RASSF4: variants seen among roughly 807,000 people sequenced by gnomAD.
RASSF4 encodes the protein Ras association domain family member 4.
Under a neutral mutation model 41.1 loss-of-function variants are expected in RASSF4, and 38 were observed. The ratio of observed to expected loss-of-function variants is 0.92; its 90% CI spans 0.71 to 1.21. RASSF4 has a LOEUF of 1.21. Among genes scored for constraint, RASSF4 ranks in the 50% most tolerant of loss-of-function variants. The pLI is 0.00. For missense variants in RASSF4, 414 were observed against 419.4 expected (o/e 0.99, Z 0.11); for synonymous variants, 179 against 163.4 (o/e 1.10, Z -0.73).
At position 44,989,298 on chromosome 10, in the gene RASSF4, G is replaced by GGAT; in HGVS notation, c.557_559dup (p.Gly186_Ser187insTer). 6.2e-7 allele frequency: 1 copy of GGAT among 1,613,686 alleles called. No individual in the cohort carries two copies. Among genetic ancestry groups the GGAT allele is most frequent in the Non-Finnish European group, 8.5e-7 (1 of 1,179,634 alleles). Reference sequence around the variant, plus strand: ...GACCTCCGTGTTTACTCCAGCCTATGGATCCGTGACCAATGTGAGGGTCAA... The same window carrying GGAT: ...GACCTCCGTGTTTACTCCAGCCTATGGATGATCCGTGACCAATGTGAGGGTCAA... On this transcript the variant is annotated stop_gained and inframe_insertion, in exon 7 of 11. Coordinates refer to ENST00000340258, the MANE Select transcript of RASSF4 (RefSeq NM_032023.4). LOFTEE classifies it high-confidence loss of function.
In RASSF4 at chr10:44,995,578, G is replaced by A. The variant is rs566816327; in HGVS notation, c.*2249G>A. The A allele has an allele frequency of 1.1e-4, 16 of 152,354 alleles. No individual in the cohort carries two copies. The highest frequency in any genetic ancestry group is 2.9e-4 in the African/African-American group (12 of 41,586). The allele number at this position is 152,354 out of a possible 1,614,324, so 9.4% of individuals were successfully genotyped here. On this transcript the variant is annotated 3_prime_UTR_variant, in exon 11 of 11. Coordinates refer to ENST00000340258, the MANE Select transcript of RASSF4 (RefSeq NM_032023.4). ...GGTGTTATCAATCTAATTTCTGAAC[G>A]TTATGGGTCAGAAAAATCACTAGCA...
At chr10:44,985,018 C>A in intron 6 of RASSF4, 48 bp downstream of exon 6, 1 of 1,578,482 alleles carries the variant, frequency 6.3e-7, no homozygotes, top group Non-Finnish European at 8.6e-7. Flanking sequence ...GGAGCCAGGC[C>A]TGAGCACAGG....
chr10:44,983,620 T>G, intron 4 of RASSF4: 1 of 213,992 alleles, frequency 4.7e-6, no homozygotes, highest in Non-Finnish European at 9.4e-6. Flanking sequence ...GGCCTGGAGG[T>G]TGGGCCCTTC....
chr10:44,982,519 A>G lies in RASSF4; in HGVS notation c.139-2A>G, dbSNP rs1841756187. On this transcript the variant is annotated splice_acceptor_variant, in intron 3 of 10. Coordinates refer to ENST00000340258, the MANE Select transcript of RASSF4 (RefSeq NM_032023.4). LOFTEE classifies it high-confidence loss of function. ...GAAGGGCTGATGTGTGGACCCCCAC[A>G]GGAAGAAGGGACTCTGATCATCGAG... The G allele has an allele frequency of 6.2e-7, 1 of 1,610,746 alleles. No individual in the cohort carries two copies. Among genetic ancestry groups the G allele is most frequent in the Non-Finnish European group, 8.5e-7 (1 of 1,178,450 alleles).
intron 9 of RASSF4, 145 bp from the exon 10 acceptor site, chr10:44,991,758 AGT>A: frequency 1.6e-6 from 1 of 616,146 alleles, no homozygotes; most frequent in East Asian, 2.7e-5. Context: ...ACAACACAGC[AGT>A]GTGGGGGTGG....
chr10:44,988,135 A>G (rs1346432756), intron 6 of RASSF4, among the ~76,000 whole-genome samples: 1 of 152,080 alleles, frequency 6.6e-6, no homozygotes, highest in Non-Finnish European at 1.5e-5. Context: ...CACCAGCACC[A>G]GGGGGGTAAC....
intron 1 of RASSF4, among the ~76,000 whole-genome samples, chr10:44,962,278 T>C (rs1349712821): frequency 6.6e-6 from 1 of 152,226 alleles, no homozygotes; most frequent in Non-Finnish European, 1.5e-5. Flanking sequence ...TCAGCAGAGA[T>C]TCTAAACCTA....
intron 1 of RASSF4, among the ~76,000 whole-genome samples, chr10:44,964,499 T>C (rs1372440942): frequency 1.3e-5 from 2 of 152,238 alleles, no homozygotes; most frequent in African/African-American, 4.8e-5. Flanking sequence ...CTGTGGTTTT[T>C]TGAGCCTGAG....
chr10:44,989,447 G>T, intron 7 of RASSF4, 72 bp downstream of exon 7: 1 of 1,186,908 alleles, frequency 8.4e-7, no homozygotes, highest in South Asian at 1.3e-5. Flanking sequence ...TGGGGTTCTG[G>T]GGAAAGCTGC....
intron 3 of RASSF4, among the ~76,000 whole-genome samples, chr10:44,979,136 T>A (rs770716585): frequency 2.9e-4 from 44 of 152,162 alleles, no homozygotes; most frequent in Admixed American, 6.5e-4. Flanking sequence ...CACCCCATCA[T>A]GACTCCTGTG....
chr10:44,985,722 A>C (rs1173156663), intron 6 of RASSF4, among the ~76,000 whole-genome samples: 1 of 152,138 alleles, frequency 6.6e-6, no homozygotes, highest in Non-Finnish European at 1.5e-5. Flanking sequence ...AGGTTAGGCT[A>C]TCCAGGGGCC....
At chr10:44,975,001 C>T (rs1182320974) in intron 3 of RASSF4, among the ~76,000 whole-genome samples, 1 of 152,224 alleles carries the variant, frequency 6.6e-6, no homozygotes, top group African/African-American at 2.4e-5. Context: ...CCGGAAATGT[C>T]CTTGTGTAAA....
At chr10:44,962,274 G>T (rs190358415) in intron 1 of RASSF4, among the ~76,000 whole-genome samples, 38 of 152,382 alleles carry the variant, frequency 2.5e-4, no homozygotes, top group Admixed American at 9.8e-4. Flanking sequence ...GGTTTCAGCA[G>T]AGATTCTAAA....
At chr10:44,974,463 A>G (rs1205175657) in intron 3 of RASSF4, among the ~76,000 whole-genome samples, 1 of 152,222 alleles carries the variant, frequency 6.6e-6, no homozygotes, top group African/African-American at 2.4e-5. Context: ...AAACAGCAAT[A>G]CCGTTTCCAT....
At chr10:44,983,623 G>T (rs964624142) in intron 4 of RASSF4, 17 of 214,430 alleles carry the variant, frequency 7.9e-5, no homozygotes, top group Non-Finnish European at 1.4e-4. Context: ...CTGGAGGTTG[G>T]GCCCTTCTAG....
intron 1 of RASSF4, among the ~76,000 whole-genome samples, chr10:44,969,104 GT>G (rs34122459): frequency 1.3e-5 from 2 of 149,480 alleles, no homozygotes; most frequent in African/African-American, 5.0e-5. Flanking sequence ...GTATGCGTGT[GT>G]TTTTGTGTGT....
chr10:44,970,796 GT>G (rs1467882664), intron 2 of RASSF4: 19 of 154,056 alleles, frequency 1.2e-4, no homozygotes, highest in African/African-American at 4.3e-4. Flanking sequence ...CTCCAGTCAT[GT>G]TGGAAGGCGA....
At chr10:44,968,623 A>AG (rs993806978) in intron 1 of RASSF4, among the ~76,000 whole-genome samples, 8 of 152,240 alleles carry the variant, frequency 5.3e-5, no homozygotes, top group South Asian at 4.1e-4. Context: ...GTGTCAAGCA[A>AG]GGGGGGAGAG....
At chr10:44,982,758 G>A (rs1001399501) in intron 4 of RASSF4, 95 bp downstream of exon 4, 1 of 1,364,832 alleles carries the variant, frequency 7.3e-7, no homozygotes, top group Non-Finnish European at 1.0e-6. Flanking sequence ...TTCCCTTATG[G>A]GACACTGGCA....
Sources: allele counts gnomAD v4.1 joint callset (sites outside exome capture counted in the v4.1 genomes callset), GRCh38; gene constraint gnomAD v4.1.1; transcripts MANE v1.5; gene names NCBI Gene and HGNC (gene_info 2026-07-23, HGNC 2026-07-21).